The following SLC6A9 variants were observed in gnomAD, a reference collection of about 807,000 sequenced individuals.
SLC6A9 encodes the protein solute carrier family 6 member 9.
SLC6A9 carries 31 observed loss-of-function variants against 70.9 expected under a neutral mutation model. That is an observed-to-expected ratio of 0.44 (90% CI 0.33 to 0.59). SLC6A9 has a LOEUF of 0.59. SLC6A9 is among the 20% of genes least tolerant of loss of function. SLC6A9 has a pLI of 0.04. For synonymous variants in SLC6A9, 310 were observed against 341.3 expected (o/e 0.91, Z 1.01); for missense variants, 631 against 845.2 (o/e 0.75, Z 3.14).
At chr1:44,011,818 C>A (rs2086582771) in intron 2 of SLC6A9, 3 of 1,270,952 alleles carry the variant, frequency 2.4e-6, no homozygotes, top group South Asian at 2.7e-5. Context: ...GTGGCCTGGG[C>A]CCCACTGAGG....
At chr1:44,004,058 G>T (rs533162499) in intron 5 of SLC6A9, among the ~76,000 whole-genome samples, 1 of 150,332 alleles carries the variant, frequency 6.7e-6, no homozygotes, top group African/African-American at 2.5e-5. Context: ...GCATTCGTGC[G>T]ATCTGGGCTC....
intron 12 of SLC6A9, among the ~76,000 whole-genome samples, chr1:43,998,974 G>A (rs1301833289): frequency 7.9e-6 from 1 of 127,070 alleles, no homozygotes; most frequent in Admixed American, 7.8e-5. Flanking sequence ...AGAGGGCCTG[G>A]CGGGGGAAGG....
chr1:44,005,194 G>C (rs1266795121), intron 5 of SLC6A9, among the ~76,000 whole-genome samples: 2 of 152,174 alleles, frequency 1.3e-5, no homozygotes, highest in Non-Finnish European at 2.9e-5. Context: ...GACCCTGGGG[G>C]ACAGGAGCTG....
chr1:44,027,945 A>G (rs1345308515), intron 1 of SLC6A9, among the ~76,000 whole-genome samples: 1 of 152,204 alleles, frequency 6.6e-6, no homozygotes, highest in African/African-American at 2.4e-5. Context: ...ATTGCACCCC[A>G]GCCTGGGCAA....
At chr1:44,005,314 C>A (rs1028175654) in intron 5 of SLC6A9, among the ~76,000 whole-genome samples, 2 of 152,014 alleles carry the variant, frequency 1.3e-5, no homozygotes, top group Non-Finnish European at 2.9e-5. Context: ...AAGAGGGTGG[C>A]GAGGGAGGGG....
Position 44,001,444 on chromosome 1 carries a change from C to A in SLC6A9, c.1146G>T (p.Pro382=). The A allele has an allele frequency of 1.9e-6, 3 of 1,613,980 alleles. No homozygotes were observed. Among genetic ancestry groups the A allele is most frequent in the Non-Finnish European group, 2.5e-6 (3 of 1,179,914 alleles). ...PEALTLLPIS[P]LWSLLFFFML... ...TGAAGAAGAAGAGCAGAGACCACAG[C>A]GGGGAGATGGGAAGTAGTGTGAGGG... The change falls in exon 9 of 14, where the codon CCG becomes CCT. Residue 382 remains proline (P), a synonymous_variant. Transcript: ENST00000372310.
intron 5 of SLC6A9, among the ~76,000 whole-genome samples, chr1:44,006,718 C>T (rs956722877): frequency 4.6e-5 from 7 of 151,230 alleles, no homozygotes; most frequent in African/African-American, 1.7e-4. Context: ...TGTCTGGTAA[C>T]TGAGTGCCTG....
At position 44,001,521 on chromosome 1, in the gene SLC6A9, A is replaced by T; in HGVS notation, c.1069T>A (p.Ser357Thr). The change falls in exon 9 of 14, where the codon TCC (serine) becomes ACC (threonine). Residue 357 changes from serine (S) to threonine (T), a missense_variant. Transcript: ENST00000372310. ...FMANHLGVDV[S>T]RVADHGPGLA... Reference sequence around the variant, plus strand: ...CCAGGGCCGTGGTCTGCCACACGGGACACATCCACGCCCAGGTGATTGGCC... The same window carrying T: ...CCAGGGCCGTGGTCTGCCACACGGGTCACATCCACGCCCAGGTGATTGGCC... 1 of 1,614,222 alleles carries T rather than the reference A, an allele frequency of 6.2e-7. No homozygotes were observed. The highest frequency in any genetic ancestry group is 8.5e-7 in the Non-Finnish European group (1 of 1,180,024).
chr1:44,002,114 A>G lies in SLC6A9; in HGVS notation c.962+199T>C, dbSNP rs938286725. The stretch of plus-strand genomic sequence containing the variant: ...AGTCCTCACAGACCCCTGGGACATC[A>G]CTGTCCCTATCTCTCTTCTCTCTCC... On this transcript the variant is annotated intron_variant, in intron 8 of 13. Transcript: ENST00000372310. The surrounding 1 kb of genome is among the most constrained non-coding windows in gnomAD (Gnocchi z 5.5). 2.6e-5 allele frequency among the ~76,000 whole-genome samples: 4 copies of G among 152,074 alleles called. No individual in the cohort carries two copies. The highest frequency in any genetic ancestry group is 4.8e-5 in the African/African-American group (2 of 41,402).
rs1057519313 is a variant in SLC6A9, at chr1:44,001,590, T to C, written c.1000A>G (p.Ser334Gly). ...AAGATGACGAAGCCAGCATAGACGC[T>C]GGTGGCACAGTTGGTGATGCTGATG... ...VIISITNCAT[S>G]VYAGFVIFSI... is the part of the protein sequence containing the mutation. Residue 334 changes from serine (S) to glycine (G), a missense_variant, in exon 9 of 14, where the codon AGC becomes GGC. Ser to Gly is a moderately conservative substitution (Grantham distance 56, BLOSUM62 0). Transcript: ENST00000372310. 1 of 1,614,180 alleles carries C rather than the reference T, an allele frequency of 6.2e-7. No homozygotes were observed. The highest frequency in any genetic ancestry group is 8.5e-7 in the Non-Finnish European group (1 of 1,180,028).
chr1:44,001,067 C>A lies in SLC6A9; in HGVS notation c.1336-12G>T. The stretch of plus-strand genomic sequence containing the variant: ...CAATAGATGCCTGCCTGGGGAACAG[C>A]GGGCAGCTGTGGGAGGCGCCTGCAG... On this transcript the variant is annotated splice_polypyrimidine_tract_variant and intron_variant, in intron 10 of 13. Coordinates refer to ENST00000372310, the MANE Select transcript of SLC6A9 (RefSeq NM_001024845.3). 1 of 1,593,350 alleles carries A rather than the reference C, an allele frequency of 6.3e-7. No individual in the cohort carries two copies. The highest frequency in any genetic ancestry group is 1.7e-5 in the Admixed American group (1 of 58,324).
At position 44,008,639 on chromosome 1, in the gene SLC6A9, G is replaced by A. The variant is rs1035269241; in HGVS notation, c.320-16C>T. On this transcript the variant is annotated splice_polypyrimidine_tract_variant and intron_variant, in intron 4 of 13. Coordinates refer to ENST00000372310, the MANE Select transcript of SLC6A9 (RefSeq NM_001024845.3). ...TAGCCCACTCCTGCAGGAGGGGAGG[G>A]GTGGGGGGAGGAGCCTCAGCATCCA... 6.2e-7 allele frequency: 1 copy of A among 1,607,832 alleles called. No homozygotes were observed. The highest frequency in any genetic ancestry group is 8.5e-7 in the Non-Finnish European group (1 of 1,174,962).
intron 2 of SLC6A9, among the ~76,000 whole-genome samples, chr1:44,020,308 C>T (rs534120666): frequency 1.3e-5 from 2 of 152,078 alleles, no homozygotes; most frequent in African/African-American, 2.4e-5. Context: ...GTGCCAAGTC[C>T]GATGCTGAGA....
intron 3 of SLC6A9, 120 bp downstream of exon 3, chr1:44,010,606 G>T: frequency 2.0e-6 from 2 of 997,910 alleles, no homozygotes; most frequent in Non-Finnish European, 3.0e-6. Context: ...GGGCGAAGGA[G>T]GCCAGGGCCA....
rs79776471 is a variant in SLC6A9, at chr1:43,997,325, C to T, written c.*220G>A. ...CTTTGGACCTCCCAGCAACCCTCCACTCCCACCCCTCCCCCCAGCTGCTAT... is the reference window on the plus strand; with the variant it reads ...CTTTGGACCTCCCAGCAACCCTCCATTCCCACCCCTCCCCCCAGCTGCTAT... On this transcript the variant is annotated 3_prime_UTR_variant, in exon 14 of 14. Transcript: ENST00000372310. The surrounding 1 kb of genome is among the most constrained non-coding windows in gnomAD (Gnocchi z 4.4). The T allele has an allele frequency of 0.013, 7,488 of 569,180 alleles. 63 individuals are homozygous for T. Among genetic ancestry groups the T allele is most frequent in the Middle Eastern group, 0.018 (40 of 2,184 alleles). The allele number at this position is 569,180 out of a possible 1,614,324, so 35.3% of individuals were successfully genotyped here. A position where few individuals can be genotyped will look rare whatever the true frequency, so the allele number is the denominator to read the frequency against.
chr1:44,020,007 C>T (rs945900812), intron 2 of SLC6A9, among the ~76,000 whole-genome samples: 1 of 152,170 alleles, frequency 6.6e-6, no homozygotes, highest in Non-Finnish European at 1.5e-5. Flanking sequence ...CTGAGGAAGG[C>T]TGGAACTTTT....
rs1390599804 is a variant in SLC6A9 at position 44,010,062 on chromosome 1, G to C, written c.222C>G (p.Ile74Met). 7 of 1,613,982 alleles carry C rather than the reference G, an allele frequency of 4.3e-6. No homozygotes were observed. The highest frequency in any genetic ancestry group is 1.1e-5 in the South Asian group (1 of 91,092). The stretch of plus-strand genomic sequence containing the variant: ...TGAAGAAGAGGGGGATCCCGCAGAA[G>C]ATGAGCATGATGAAGTAGGGGAACA... ...AFMFPYFIML[I>M]FCGIPLFFME... Residue 74 changes from isoleucine (I) to methionine (M), a missense_variant, in exon 4 of 14, where the codon ATC (isoleucine) becomes ATG (methionine). Coordinates refer to ENST00000372310, the MANE Select transcript of SLC6A9 (RefSeq NM_001024845.3).
intron 2 of SLC6A9, chr1:44,011,851 G>C: frequency 1.2e-6 from 1 of 835,986 alleles, no homozygotes; most frequent in Non-Finnish European, 1.9e-6. Flanking sequence ...GGAACCCCAG[G>C]CCCAAAAGCT....
At position 44,003,799 on chromosome 1, in the gene SLC6A9, G is replaced by T. The variant is rs900119968; in HGVS notation, c.591-814C>A. Reference sequence around the variant, plus strand: ...ATTGGACCCAAATTTCTCCCCTCTGGGTGGCTCCATCTGGCACCCTATGTC... The same window carrying T: ...ATTGGACCCAAATTTCTCCCCTCTGTGTGGCTCCATCTGGCACCCTATGTC... On this transcript the variant is annotated intron_variant, in intron 5 of 13. Coordinates refer to ENST00000372310, the MANE Select transcript of SLC6A9 (RefSeq NM_001024845.3). Among the ~76,000 whole-genome samples the T allele has an allele frequency of 5.3e-5, 8 of 151,558 alleles. No homozygotes were observed. In the South Asian group the frequency reaches 6.3e-4, roughly 12 times the overall value.
Sources: allele counts gnomAD v4.1 joint callset (sites outside exome capture counted in the v4.1 genomes callset), GRCh38; gene constraint gnomAD v4.1.1; non-coding constraint Gnocchi (gnomAD v3.1); transcripts MANE v1.5; gene names NCBI Gene and HGNC (gene_info 2026-07-23, HGNC 2026-07-21).